Variants in HFM1 observed in about 807,000 individuals in gnomAD.
HFM1 encodes the protein helicase for meiosis 1.
In HFM1, 169 loss-of-function variants were observed where a neutral mutation model predicts 192.1. That is an observed-to-expected ratio of 0.88 (90% CI 0.78 to 1.00). The LOEUF is 1.00. HFM1 is among the 50% of genes least tolerant of loss of function. The pLI, the probability that HFM1 is intolerant of heterozygous loss-of-function variation, is 0.00. For synonymous variants in HFM1, 525 were observed against 537.8 expected, an observed-to-expected ratio of 0.98 and a Z score of 0.33; for missense variants, 1,661 against 1,668.0, an observed-to-expected ratio of 1.00 and a Z score of 0.07.
At chr1:91,385,538 T>C (rs1180491260) in intron 5 of HFM1, 37 bp downstream of exon 5, 5 of 1,555,878 alleles carry the variant, frequency 3.2e-6, no homozygotes, top group Non-Finnish European at 4.4e-6. Flanking sequence ...TGGTTTAGTC[T>C]GTACTCATAA....
intron 1 of HFM1, 43 bp downstream of exon 1, chr1:91,404,755 C>T: frequency 4.7e-6 from 2 of 424,490 alleles, no homozygotes; most frequent in East Asian, 8.1e-5. Flanking sequence ...CGTCGGGCCC[C>T]CGTCCCCACC....
intron 13 of HFM1, among the ~76,000 whole-genome samples, chr1:91,368,821 A>G (rs1018894048): frequency 2.0e-5 from 3 of 152,206 alleles, no homozygotes; most frequent in African/African-American, 7.2e-5. Context: ...AGAAAGAGTT[A>G]AGACCCATCA....
At chr1:91,397,908 CCCA>C (rs1663857027) in intron 2 of HFM1, among the ~76,000 whole-genome samples, 1 of 152,158 alleles carries the variant, frequency 6.6e-6, no homozygotes, top group Admixed American at 6.5e-5. Flanking sequence ...GGACCCAATG[CCCA>C]GGTTTTTATT....
At chr1:91,352,360 T>C (rs1657054841) in intron 16 of HFM1, 146 bp downstream of exon 16, 1 of 542,116 alleles carries the variant, frequency 1.8e-6, no homozygotes, top group Admixed American at 3.8e-5. Flanking sequence ...AGGCTTGTCT[T>C]ACTTTTATTC....
chr1:91,334,436 C>T (rs938819495), intron 20 of HFM1, among the ~76,000 whole-genome samples: 3 of 151,866 alleles, frequency 2.0e-5, no homozygotes, highest in Admixed American at 6.6e-5. Context: ...CTGAAAGAGC[C>T]CTCAAATGAT....
rs769068356 is a variant in HFM1 at position 91,352,623 on chromosome 1, T to C, written c.1860A>G (p.Val620=). Residue 620 remains valine (V), a synonymous_variant, in exon 16 of 39, where the codon GTA becomes GTG. Transcript: ENST00000370425. ...LFTTSTLAMG[V]NLPAHLVVIK... The stretch of plus-strand genomic sequence containing the variant: ...TAACTACTAGGTGAGCAGGCAAATT[T>C]ACTCCCATAGCTAAAGTACTGGTAG... 6.2e-7 allele frequency: 1 copy of C among 1,608,880 alleles called. No individual in the cohort carries two copies. Among genetic ancestry groups the C allele is most frequent in the Non-Finnish European group, 8.5e-7 (1 of 1,177,192 alleles).
chr1:91,274,676 G>A (rs1666636008), intron 33 of HFM1, 54 bp downstream of exon 33: 1 of 896,538 alleles, frequency 1.1e-6, no homozygotes, highest in East Asian at 2.5e-5. Context: ...GTTACCTGCA[G>A]GAACAGAGTT....
chr1:91,364,128 CAT>C (rs1336370731), intron 13 of HFM1, among the ~76,000 whole-genome samples: 4 of 151,920 alleles, frequency 2.6e-5, no homozygotes, highest in Admixed American at 6.6e-5. Flanking sequence ...CACCATGTCA[CAT>C]GTTTACCTAT....
At chr1:91,362,259 G>C (rs766637324) in intron 13 of HFM1, among the ~76,000 whole-genome samples, 6 of 152,246 alleles carry the variant, frequency 3.9e-5, no homozygotes, top group Non-Finnish European at 8.8e-5. Flanking sequence ...AATTATCTTT[G>C]TTTGCAGATG....
At position 91,266,057 on chromosome 1, in the gene HFM1, G is replaced by C. The variant is rs765458676; in HGVS notation, c.3934C>G (p.Gln1312Glu). ...CTTTGGAATTTGCTCTTTGACTCTT[G>C]AAGGGGTAGCTTACTTCCCCTGGTA... ...SSTRGSKLPL[Q>E]ESKSKFQREM... Residue 1312 changes from glutamine (Q) to glutamate (E), a missense_variant, in exon 36 of 39, where the codon CAA (glutamine) becomes GAA (glutamate). Transcript: ENST00000370425. 1.3e-6 allele frequency: 2 copies of C among 1,584,024 alleles called. No individual in the cohort carries two copies. Among genetic ancestry groups the C allele is most frequent in the Non-Finnish European group, 1.7e-6 (2 of 1,170,942 alleles).
At chr1:91,354,890 A>T (rs1657506008) in intron 13 of HFM1, among the ~76,000 whole-genome samples, 1 of 152,182 alleles carries the variant, frequency 6.6e-6, no homozygotes. Context: ...TCATGAAAAC[A>T]TATGAAAGCA....
At chr1:91,350,989 T>A in intron 17 of HFM1, 118 bp from the exon 18 acceptor site, 1 of 802,364 alleles carries the variant, frequency 1.2e-6, no homozygotes, top group Non-Finnish European at 1.8e-6. Flanking sequence ...AAATATAACT[T>A]AATTTCCAAA....
chr1:91,342,991 C>T (rs1655571124), intron 20 of HFM1, among the ~76,000 whole-genome samples: 1 of 151,806 alleles, frequency 6.6e-6, no homozygotes, highest in Non-Finnish European at 1.5e-5. Context: ...ACTTTGGGAG[C>T]CCGAGGTGGG....
intron 13 of HFM1, among the ~76,000 whole-genome samples, chr1:91,373,605 G>C (rs1660525769): frequency 6.6e-6 from 1 of 151,752 alleles, no homozygotes; most frequent in South Asian, 2.1e-4. Context: ...TTACAATAGT[G>C]AGTGAGTTTT....
At position 91,394,226 on chromosome 1, in the gene HFM1, G is replaced by A; in HGVS notation, c.361C>T (p.Leu121=). 6.3e-7 allele frequency: 1 copy of A among 1,598,956 alleles called. No individual in the cohort carries two copies. Among genetic ancestry groups the A allele is most frequent in the East Asian group, 2.2e-5 (1 of 44,754 alleles). Residue 121 remains leucine, a synonymous_variant, in exon 4 of 39, where the codon CTG becomes TTG. Coordinates refer to ENST00000370425, the MANE Select transcript of HFM1 (RefSeq NM_001017975.6). The part of the protein sequence containing the change: ...NNDLSHIAGK[L]TYASQKYKNH... ...TTATATTTCTGAGAAGCATATGTCA[G>A]CTTGCCAGCAATATGTGATAAGTCA...
chr1:91,288,154 T>C (rs1668241285), intron 30 of HFM1, among the ~76,000 whole-genome samples: 1 of 150,170 alleles, frequency 6.7e-6, no homozygotes, highest in East Asian at 2.0e-4. Context: ...ATTCAGGAAA[T>C]ACAGAGAACG....
intron 13 of HFM1, among the ~76,000 whole-genome samples, chr1:91,367,350 C>T (rs749275866): frequency 5.3e-5 from 8 of 152,166 alleles, no homozygotes; most frequent in African/African-American, 1.9e-4. Flanking sequence ...TGAGAGGCAC[C>T]GACCAGTAGG....
chr1:91,355,208 A>G (rs1398962123), intron 13 of HFM1, among the ~76,000 whole-genome samples: 1 of 152,130 alleles, frequency 6.6e-6, no homozygotes, highest in Non-Finnish European at 1.5e-5. Flanking sequence ...GCAAGAAGCT[A>G]CAGAAGATAC....
chr1:91,289,395 A>G (rs1206831042), intron 30 of HFM1, among the ~76,000 whole-genome samples: 1 of 147,886 alleles, frequency 6.8e-6, no homozygotes, highest in Admixed American at 6.7e-5. Flanking sequence ...GCCGGGCAGA[A>G]GGGCTCCTCA....
Sources: gnomAD v4.1 joint callset for allele counts (sites outside exome capture counted in the v4.1 genomes callset) on GRCh38, gnomAD v4.1.1 for gene constraint, MANE v1.5 for transcripts, NCBI Gene and HGNC (gene_info 2026-07-23, HGNC 2026-07-21) for gene names.